NDST4: variants seen among roughly 807,000 people sequenced by gnomAD.
The protein encoded by NDST4 is N-deacetylase and N-sulfotransferase 4.
In NDST4, 63 loss-of-function variants were observed where a neutral mutation model predicts 100.8. The observed-to-expected ratio is 0.62, with a 90% CI of 0.51 to 0.77. NDST4 has a LOEUF of 0.77. Among genes scored for constraint, NDST4 ranks in the 30% least tolerant of loss-of-function variants. The pLI, the probability that NDST4 is intolerant of heterozygous loss-of-function variation, is 0.00. For synonymous variants in NDST4, 377 were observed against 361.8 expected (o/e 1.04, Z -0.48); for missense variants, 943 against 1,018.4 (o/e 0.93, Z 1.01).
chr4:115,113,212 T>A (rs943595716), intron 1 of NDST4, among the ~76,000 whole-genome samples: 2 of 151,968 alleles, frequency 1.3e-5, no homozygotes, highest in African/African-American at 2.4e-5. Context: ...TTTTTTTTTA[T>A]GTACGACTGT....
intron 2 of NDST4, among the ~76,000 whole-genome samples, chr4:115,034,719 C>T (rs975739654): frequency 7.2e-5 from 11 of 152,012 alleles, no homozygotes; most frequent in African/African-American, 1.4e-4. Context: ...GCATGGCCCC[C>T]GCCTTGATCC....
intron 1 of NDST4, among the ~76,000 whole-genome samples, chr4:115,102,701 T>G (rs1456206082): frequency 1.6e-5 from 2 of 122,668 alleles, no homozygotes; most frequent in Admixed American, 1.8e-4. Context: ...TACTTCTGAC[T>G]TCCTTTTTTT....
intron 6 of NDST4, among the ~76,000 whole-genome samples, chr4:114,919,144 A>T (rs1725238442): frequency 6.6e-6 from 1 of 152,208 alleles, no homozygotes; most frequent in Non-Finnish European, 1.5e-5. Context: ...TATTTATCCA[A>T]CAACATACAG....
rs1258431197 is a variant in NDST4 at position 115,008,528 on chromosome 4, G to A, written c.979-31254C>T. Among the ~76,000 whole-genome samples the A allele has an allele frequency of 1.6e-5, 2 of 128,118 alleles. 1 individual carries two copies. The highest frequency in any genetic ancestry group is 1.6e-4 in the Admixed American group (2 of 12,548). 84.1% of individuals were successfully genotyped at this position (128,118 alleles called of 152,430 possible). The stretch of plus-strand genomic sequence containing the variant: ...CTCTCAATAAATTAGGTATTGATGG[G>A]ACATATCTCAAAATAATAAGAGCTA... On this transcript the variant is annotated intron_variant, in intron 2 of 13. Coordinates refer to ENST00000264363, the MANE Select transcript of NDST4 (RefSeq NM_022569.3).
chr4:114,912,295 G>A (rs903489046), intron 6 of NDST4, among the ~76,000 whole-genome samples: 3 of 152,154 alleles, frequency 2.0e-5, no homozygotes, highest in African/African-American at 7.2e-5. Flanking sequence ...CATGGTGGCT[G>A]TGAAGGGAAG....
At position 115,071,282 on chromosome 4, in the gene NDST4, AC is replaced by A. The variant is rs1312703320; in HGVS notation, c.978+4776del. On this transcript the variant is annotated intron_variant, in intron 2 of 13. Coordinates refer to ENST00000264363, the MANE Select transcript of NDST4 (RefSeq NM_022569.3). ...TTCAAATGAAAGTATGCCTTCACAC[AC>A]ACACACACACACACACACACACACA... Among the ~76,000 whole-genome samples, 6 of 105,416 alleles carry A rather than the reference AC, an allele frequency of 5.7e-5. No individual in the cohort carries two copies. The South Asian group carries it at 7.7e-4, about 14-fold the overall frequency. The allele number at this position is 105,416 out of a possible 152,430, so 69.2% of individuals were successfully genotyped here.
chr4:115,089,468 T>G (rs1398979125), intron 1 of NDST4, among the ~76,000 whole-genome samples: 2 of 152,018 alleles, frequency 1.3e-5, no homozygotes, highest in African/African-American at 4.8e-5. Flanking sequence ...AAGCCTTTCC[T>G]ATTCATGCCT....
intron 4 of NDST4, among the ~76,000 whole-genome samples, chr4:114,938,214 A>G (rs1015968068): frequency 7.2e-5 from 11 of 152,300 alleles, no homozygotes; most frequent in African/African-American, 2.4e-4. Flanking sequence ...AATACCATAC[A>G]AGATCCAGTG....
At chr4:114,923,728 A>G (rs1725333023) in intron 6 of NDST4, among the ~76,000 whole-genome samples, 1 of 152,044 alleles carries the variant, frequency 6.6e-6, no homozygotes, top group African/African-American at 2.4e-5. Flanking sequence ...GCCCCAAAAT[A>G]TATAGAGAAA....
chr4:115,013,598 AGAGTACGGGCTTATG>A (rs895380818), intron 2 of NDST4, among the ~76,000 whole-genome samples: 14 of 151,888 alleles, frequency 9.2e-5, no homozygotes, highest in African/African-American at 3.4e-4. Context: ...TCCACCACTC[AGAGTACGGGCTTATG>A]GAGGTCAGGT....
chr4:114,844,066 T>A (rs1045390355), intron 10 of NDST4, among the ~76,000 whole-genome samples: 4 of 152,018 alleles, frequency 2.6e-5, no homozygotes, highest in African/African-American at 9.6e-5. Flanking sequence ...ATTGGAAATT[T>A]GTTTCATCCT....
intron 7 of NDST4, among the ~76,000 whole-genome samples, chr4:114,864,375 T>C (rs1359013206): frequency 6.6e-6 from 1 of 152,204 alleles, no homozygotes; most frequent in Non-Finnish European, 1.5e-5. Context: ...TTAAAACACA[T>C]TTTTCCTTTC....
At chr4:115,032,071 T>A (rs1474177469) in intron 2 of NDST4, among the ~76,000 whole-genome samples, 1 of 152,082 alleles carries the variant, frequency 6.6e-6, no homozygotes, top group African/African-American at 2.4e-5. Context: ...AATTATGAGC[T>A]CTTCTTCTCT....
intron 9 of NDST4, among the ~76,000 whole-genome samples, chr4:114,846,402 G>A (rs1051618367): frequency 6.6e-5 from 10 of 152,106 alleles, no homozygotes; most frequent in African/African-American, 2.4e-4. Flanking sequence ...GAAATTATTC[G>A]GTGAGATTAA....
intron 6 of NDST4, among the ~76,000 whole-genome samples, chr4:114,916,302 G>A (rs1246320243): frequency 2.0e-5 from 3 of 152,006 alleles, no homozygotes; most frequent in Non-Finnish European, 2.9e-5. Context: ...CCCCACATGT[G>A]ATCCATAAAA....
At chr4:114,891,271 C>T (rs1237390430) in intron 6 of NDST4, among the ~76,000 whole-genome samples, 1 of 152,050 alleles carries the variant, frequency 6.6e-6, no homozygotes, top group South Asian at 2.1e-4. Context: ...ATATCCTCTT[C>T]TAATATTATT....
At chr4:114,859,069 C>G (rs56923173) in intron 7 of NDST4, among the ~76,000 whole-genome samples, 34,209 of 152,084 alleles carry the variant, frequency 0.22, 5,186 homozygotes, top group African/African-American at 0.43. Flanking sequence ...CTGTAAATGG[C>G]AAAGTATGGC....
At chr4:114,853,511 C>A (rs1046663721) in intron 7 of NDST4, among the ~76,000 whole-genome samples, 3 of 152,128 alleles carry the variant, frequency 2.0e-5, no homozygotes, top group African/African-American at 7.2e-5. Flanking sequence ...ATCTGGCTGA[C>A]TCTAATTTAT....
intron 1 of NDST4, among the ~76,000 whole-genome samples, chr4:115,104,316 C>T (rs1001025331): frequency 7.2e-5 from 11 of 152,182 alleles, no homozygotes; most frequent in African/African-American, 2.4e-4. Context: ...ATTACTACTG[C>T]CTTGAGAAGG....
Sources: gnomAD v4.1 joint callset for allele counts (sites outside exome capture counted in the v4.1 genomes callset) on GRCh38, gnomAD v4.1.1 for gene constraint, MANE v1.5 for transcripts, NCBI Gene and HGNC (gene_info 2026-07-23, HGNC 2026-07-21) for gene names.